GALNT7: variants seen among roughly 807,000 people sequenced by gnomAD.
GALNT7 encodes N-acetylgalactosaminyltransferase 7.
GALNT7 carries 60 observed loss-of-function variants against 82.1 expected under a neutral mutation model. The ratio of observed to expected loss-of-function variants is 0.73; its 90% CI spans 0.59 to 0.91. The LOEUF (loss-of-function observed/expected upper bound fraction) is 0.91, where lower values mean the gene tolerates loss of function less well. Ranked by LOEUF, GALNT7 falls within the 40% of genes least tolerant of loss-of-function variation. GALNT7 has a pLI of 0.00. For synonymous variants in GALNT7, 243 were observed against 275.1 expected, an observed-to-expected ratio of 0.88 and a Z score of 1.15; for missense variants, 660 against 804.2, an observed-to-expected ratio of 0.82 and a Z score of 2.17.
chr4:173,201,148 C>T (rs7668473), intron 1 of GALNT7, among the ~76,000 whole-genome samples: 23,233 of 152,078 alleles, frequency 0.15, 1,864 homozygotes, highest in Non-Finnish European at 0.18. Flanking sequence ...CTACTTTTAA[C>T]AGTTACATAA....
chr4:173,274,155 C>G (rs1735821337), intron 2 of GALNT7, among the ~76,000 whole-genome samples: 1 of 152,144 alleles, frequency 6.6e-6, no homozygotes. Flanking sequence ...CTAGGAATCC[C>G]TGCCAGATTT....
At chr4:173,203,026 T>TC (rs1286857097) in intron 1 of GALNT7, among the ~76,000 whole-genome samples, 1 of 152,158 alleles carries the variant, frequency 6.6e-6, no homozygotes, top group Non-Finnish European at 1.5e-5. Context: ...ATTTTTTTTT[T>TC]TTTCATTTCT....
intron 1 of GALNT7, among the ~76,000 whole-genome samples, chr4:173,221,774 A>G (rs1382561137): frequency 6.6e-6 from 1 of 152,200 alleles, no homozygotes; most frequent in Non-Finnish European, 1.5e-5. Context: ...AATTTTGGTT[A>G]AGTTTTGCTG....
At chr4:173,196,128 T>G (rs1296385684) in intron 1 of GALNT7, among the ~76,000 whole-genome samples, 2 of 83,390 alleles carry the variant, frequency 2.4e-5, no homozygotes, top group Non-Finnish European at 6.5e-5. Context: ...TAAGTTGGAA[T>G]TTTTTTTTTT....
chr4:173,169,042 G>T, intron 1 of GALNT7, 81 bp downstream of exon 1: 1 of 1,435,930 alleles, frequency 7.0e-7, no homozygotes, highest in Non-Finnish European at 9.5e-7. Context: ...GAGCAGGGGC[G>T]GCGGGGTCGC....
At chr4:173,198,350 G>C (rs1220025617) in intron 1 of GALNT7, among the ~76,000 whole-genome samples, 2 of 151,944 alleles carry the variant, frequency 1.3e-5, no homozygotes, top group African/African-American at 4.8e-5. Context: ...TTACAGGCGT[G>C]AGCCACCGCG....
rs749428656 is a variant in GALNT7, at chr4:173,299,384, G to A, written c.1148+1087G>A. ...TAACTGTGGGAGAAAAAAAATAAAG[G>A]GTGCTGAGCAAATTTATATTTCTGT... On this transcript the variant is annotated intron_variant, in intron 6 of 11. Transcript: ENST00000265000. Among the ~76,000 whole-genome samples the A allele has an allele frequency of 8.0e-4, 121 of 152,118 alleles. 1 individual carries two copies. The highest frequency in any genetic ancestry group is 2.6e-3 in the Admixed American group (39 of 15,286).
intron 1 of GALNT7, among the ~76,000 whole-genome samples, chr4:173,239,890 C>T (rs974877482): frequency 1.3e-5 from 2 of 152,054 alleles, no homozygotes; most frequent in African/African-American, 4.8e-5. Flanking sequence ...TGATCACCTA[C>T]TTTAGTTTGG....
chr4:173,267,322 C>T (rs868699857), intron 2 of GALNT7, among the ~76,000 whole-genome samples: 5 of 152,252 alleles, frequency 3.3e-5, no homozygotes, highest in Middle Eastern at 6.8e-3. Flanking sequence ...GATCACCCTC[C>T]AGCCTGGCCC....
chr4:173,224,881 GGC>G (rs758628016), intron 1 of GALNT7, among the ~76,000 whole-genome samples: 23 of 151,864 alleles, frequency 1.5e-4, no homozygotes, highest in Non-Finnish European at 1.3e-4. Flanking sequence ...CAGGCGTGGT[GGC>G]GCGCGCCTGT....
At chr4:173,187,940 C>A (rs1732507865) in intron 1 of GALNT7, among the ~76,000 whole-genome samples, 1 of 152,134 alleles carries the variant, frequency 6.6e-6, no homozygotes, top group Non-Finnish European at 1.5e-5. Context: ...TTCTTTTAGT[C>A]ATTGCATAGT....
At chr4:173,214,806 T>C (rs916811857) in intron 1 of GALNT7, among the ~76,000 whole-genome samples, 2 of 152,058 alleles carry the variant, frequency 1.3e-5, no homozygotes, top group African/African-American at 2.4e-5. Flanking sequence ...ACTTGGATTT[T>C]TTTTTTTTTT....
At chr4:173,204,852 A>G (rs1733038894) in intron 1 of GALNT7, among the ~76,000 whole-genome samples, 1 of 152,056 alleles carries the variant, frequency 6.6e-6, no homozygotes, top group Non-Finnish European at 1.5e-5. Flanking sequence ...TTTTGGTGGT[A>G]TTATGTCTCT....
rs1241328182 is a variant in GALNT7 at position 173,218,521 on chromosome 4, TG to T, written c.127-29454del. On this transcript the variant is annotated intron_variant, in intron 1 of 11. Coordinates refer to ENST00000265000, the MANE Select transcript of GALNT7 (RefSeq NM_017423.3). Reference sequence around the variant, plus strand: ...AAGCAGGGCCACTGAGAAGGGTGTGTGGGGGTGGGTGTTTTATTGACAGTTG... The same window carrying T: ...AAGCAGGGCCACTGAGAAGGGTGTGTGGGGTGGGTGTTTTATTGACAGTTG... 3.3e-5 allele frequency among the ~76,000 whole-genome samples: 5 copies of T among 151,924 alleles called. No individual in the cohort carries two copies. The East Asian group carries it at 5.8e-4, about 18-fold the overall frequency.
intron 6 of GALNT7, 134 bp downstream of exon 6, chr4:173,298,431 C>G (rs1736801459): frequency 1.6e-6 from 1 of 634,614 alleles, no homozygotes; most frequent in African/African-American, 1.9e-5. Flanking sequence ...TTTCCTTACA[C>G]TGTTTCAGAG....
intron 1 of GALNT7, among the ~76,000 whole-genome samples, chr4:173,205,435 G>A (rs1480722703): frequency 6.6e-6 from 1 of 152,132 alleles, no homozygotes; most frequent in Admixed American, 6.5e-5. Flanking sequence ...GCTGGGCCTG[G>A]ACCCTGGGTC....
intron 9 of GALNT7, among the ~76,000 whole-genome samples, chr4:173,315,018 A>T (rs1419238287): frequency 4.6e-5 from 7 of 152,066 alleles, no homozygotes. Flanking sequence ...TGAGAAAACA[A>T]AAATGATAAT....
intron 1 of GALNT7, chr4:173,169,706 C>G (rs917894323): frequency 9.9e-5 from 15 of 151,892 alleles, no homozygotes; most frequent in Admixed American, 9.2e-4. Flanking sequence ...AGGGGCGTCC[C>G]CGCCCCGCCT....
chr4:173,317,775 G>A, intron 10 of GALNT7, 43 bp downstream of exon 10: 1 of 1,175,524 alleles, frequency 8.5e-7, no homozygotes, highest in Non-Finnish European at 1.3e-6. Context: ...CCGTATTGAG[G>A]GCCATCAGGT....
Sources: gnomAD v4.1 joint callset for allele counts (sites outside exome capture counted in the v4.1 genomes callset) on GRCh38, gnomAD v4.1.1 for gene constraint, MANE v1.5 for transcripts, NCBI Gene and HGNC (gene_info 2026-07-23, HGNC 2026-07-21) for gene names.